PLXDC2: variants seen among roughly 807,000 people sequenced by gnomAD.
PLXDC2 encodes the protein plexin domain containing 2, also known as plexin domain-containing protein 2.
In PLXDC2, 40 loss-of-function variants were observed where a neutral mutation model predicts 68.9. The ratio of observed to expected loss-of-function variants is 0.58; its 90% CI spans 0.45 to 0.76. The LOEUF is 0.76. Ranked by LOEUF, PLXDC2 falls within the 30% of genes least tolerant of loss-of-function variation. PLXDC2 has a pLI of 0.00. For missense variants in PLXDC2, 644 were observed against 661.9 expected (o/e 0.97, Z 0.30); for synonymous variants, 243 against 234.2 (o/e 1.04, Z -0.34).
chr10:19,892,725 C>G (rs1284472481), intron 1 of PLXDC2, among the ~76,000 whole-genome samples: 1 of 152,128 alleles, frequency 6.6e-6, no homozygotes, highest in African/African-American at 2.4e-5. Context: ...CTTTCTCCTG[C>G]AAACCATTCC....
intron 4 of PLXDC2, among the ~76,000 whole-genome samples, chr10:20,136,987 T>A (rs932748038): frequency 6.6e-5 from 10 of 152,194 alleles, no homozygotes; most frequent in African/African-American, 2.4e-4. Flanking sequence ...TGCATCAGAA[T>A]GTAAGGAGAA....
At chr10:20,052,438 G>T (rs183453312) in intron 3 of PLXDC2, among the ~76,000 whole-genome samples, 183 of 151,978 alleles carry the variant, frequency 1.2e-3, no homozygotes, top group Non-Finnish European at 2.3e-3. Context: ...GTGACCAGGG[G>T]GCTGAGTAAT....
In PLXDC2 at chr10:19,856,703, A is replaced by T. The variant is rs1837221169; in HGVS notation, c.112+39512A>T. On this transcript the variant is annotated intron_variant, in intron 1 of 13. Coordinates refer to ENST00000377252, the MANE Select transcript of PLXDC2 (RefSeq NM_032812.9). ...TTCATCTGCTTTCTCCATACCGAAA[A>T]TAAACTGTTTCCAGACATGAATAAA... Among the ~76,000 whole-genome samples, 3 of 152,328 alleles carry T rather than the reference A, an allele frequency of 2.0e-5. No individual in the cohort carries two copies. In the South Asian group the frequency reaches 6.2e-4, roughly 32 times the overall value.
At chr10:20,038,123 C>T (rs536996525) in intron 2 of PLXDC2, among the ~76,000 whole-genome samples, 63 of 152,042 alleles carry the variant, frequency 4.1e-4, no homozygotes, top group Admixed American at 2.5e-3. Context: ...GTAGTCCCAG[C>T]TACTCAGGAG....
At chr10:20,238,858 T>C (rs748462714) in intron 12 of PLXDC2, among the ~76,000 whole-genome samples, 49 of 151,310 alleles carry the variant, frequency 3.2e-4, no homozygotes, top group Non-Finnish European at 6.6e-4. Flanking sequence ...GTCTAAATAT[T>C]GATCTGCATT....
At chr10:20,122,936 C>G (rs566707053) in intron 4 of PLXDC2, among the ~76,000 whole-genome samples, 2 of 152,122 alleles carry the variant, frequency 1.3e-5, no homozygotes, top group Non-Finnish European at 2.9e-5. Flanking sequence ...GGGTTGCTGC[C>G]AAACGAGTCA....
intron 1 of PLXDC2, among the ~76,000 whole-genome samples, chr10:19,882,449 G>T (rs1389161002): frequency 6.6e-6 from 1 of 152,136 alleles, no homozygotes; most frequent in East Asian, 1.9e-4. Context: ...GAAAAGCAAA[G>T]GAAGAGGTTA....
At chr10:19,870,215 G>C (rs1007983955) in intron 1 of PLXDC2, among the ~76,000 whole-genome samples, 6 of 152,126 alleles carry the variant, frequency 3.9e-5, no homozygotes, top group Non-Finnish European at 8.8e-5. Context: ...AGATAGACAG[G>C]GAGGAGGAGA....
chr10:19,852,327 C>A (rs1232956912), intron 1 of PLXDC2, among the ~76,000 whole-genome samples: 1 of 146,036 alleles, frequency 6.8e-6, no homozygotes, highest in African/African-American at 2.5e-5. Flanking sequence ...GTTGTGGTAC[C>A]AGGTAGGAGG....
intron 1 of PLXDC2, among the ~76,000 whole-genome samples, chr10:19,831,064 G>A (rs566478402): frequency 1.7e-3 from 259 of 151,820 alleles, no homozygotes; most frequent in Middle Eastern, 6.8e-3. Flanking sequence ...GTATATAGAA[G>A]GCAATTAATA....
intron 2 of PLXDC2, among the ~76,000 whole-genome samples, chr10:20,006,671 A>G (rs535489320): frequency 1.8e-4 from 27 of 152,372 alleles, no homozygotes; most frequent in African/African-American, 6.0e-4. Context: ...TTCACTTGGT[A>G]CTTGGTGACA....
At chr10:20,053,874 G>A (rs940352254) in intron 3 of PLXDC2, among the ~76,000 whole-genome samples, 3 of 152,068 alleles carry the variant, frequency 2.0e-5, no homozygotes, top group Admixed American at 6.6e-5. Flanking sequence ...CTCGCAGTGC[G>A]TTGTGGAGAA....
At chr10:20,017,758 G>A (rs541691249) in intron 2 of PLXDC2, among the ~76,000 whole-genome samples, 13 of 152,258 alleles carry the variant, frequency 8.5e-5, no homozygotes, top group African/African-American at 2.9e-4. Flanking sequence ...TTTCATTCTC[G>A]TATTTAAAGA....
At chr10:20,131,264 G>T (rs567024025) in intron 4 of PLXDC2, among the ~76,000 whole-genome samples, 127 of 151,252 alleles carry the variant, frequency 8.4e-4, no homozygotes, top group African/African-American at 3.0e-3. Flanking sequence ...CTGTTCCGAC[G>T]TGGTAATATG....
chr10:19,922,421 A>AT (rs898191259), intron 1 of PLXDC2, among the ~76,000 whole-genome samples: 15 of 152,202 alleles, frequency 9.9e-5, no homozygotes, highest in African/African-American at 3.4e-4. Context: ...TTTACTTGCT[A>AT]TTTTTTTAAA....
chr10:19,827,583 C>A (rs1836596339), intron 1 of PLXDC2, among the ~76,000 whole-genome samples: 1 of 146,776 alleles, frequency 6.8e-6, no homozygotes. Flanking sequence ...TTTTTTAAGA[C>A]AGAGTCTCAC....
chr10:19,957,633 C>T (rs1834092555), intron 1 of PLXDC2, among the ~76,000 whole-genome samples: 1 of 152,086 alleles, frequency 6.6e-6, no homozygotes, highest in Non-Finnish European at 1.5e-5. Flanking sequence ...ATGGGCATGT[C>T]AGTCTTTTCC....
intron 9 of PLXDC2, among the ~76,000 whole-genome samples, chr10:20,191,941 G>A (rs982888592): frequency 2.0e-5 from 3 of 152,070 alleles, no homozygotes; most frequent in Non-Finnish European, 4.4e-5. Context: ...CTTTTATTTT[G>A]TATTTACTAT....
chr10:20,207,358 C>T (rs1405228562), intron 9 of PLXDC2, among the ~76,000 whole-genome samples: 2 of 152,134 alleles, frequency 1.3e-5, no homozygotes, highest in East Asian at 3.9e-4. Flanking sequence ...ATTTAAAGGA[C>T]TAATTATTCC....
Sources: gnomAD v4.1 joint callset for allele counts (sites outside exome capture counted in the v4.1 genomes callset) on GRCh38, gnomAD v4.1.1 for gene constraint, MANE v1.5 for transcripts, NCBI Gene and HGNC (gene_info 2026-07-23, HGNC 2026-07-21) for gene names.